SLC35D4: variants seen among roughly 807,000 people sequenced by gnomAD.
The protein encoded by SLC35D4 is solute carrier family 35 member D4.
chr18:23,324,625 T>C, the SLC35D4 span, among the ~76,000 whole-genome samples: 13 of 152,150 alleles, frequency 8.5e-5, no homozygotes, highest in South Asian at 2.1e-4. Flanking sequence ...ATGTCAATAT[T>C]ATCATAGGGT....
the SLC35D4 span, chr18:23,257,144 G>T: frequency 6.7e-7 from 1 of 1,487,370 alleles, no homozygotes; most frequent in Non-Finnish European, 9.2e-7. Context: ...CTCACTGGCT[G>T]GTGGATAGAG....
the SLC35D4 span, among the ~76,000 whole-genome samples, chr18:23,351,655 C>T: frequency 2.0e-5 from 3 of 152,130 alleles, no homozygotes; most frequent in Non-Finnish European, 2.9e-5. Flanking sequence ...CCCTCACAGG[C>T]ACTAAGGAAA....
the SLC35D4 span, among the ~76,000 whole-genome samples, chr18:23,351,864 C>A: frequency 6.6e-6 from 1 of 152,194 alleles, no homozygotes; most frequent in African/African-American, 2.4e-5. Flanking sequence ...CCCAACCTGG[C>A]CATTTGTCTA....
At chr18:23,312,207 A>G in the SLC35D4 span, among the ~76,000 whole-genome samples, 1 of 152,006 alleles carries the variant, frequency 6.6e-6, no homozygotes, top group African/African-American at 2.4e-5. Context: ...CACCATACCC[A>G]CAGCCTGGGA....
chr18:23,322,676 T>C, the SLC35D4 span, among the ~76,000 whole-genome samples: 1 of 152,262 alleles, frequency 6.6e-6, no homozygotes, highest in Non-Finnish European at 1.5e-5. Context: ...AAATACTTGA[T>C]TGTGTTGTTT....
the SLC35D4 span, among the ~76,000 whole-genome samples, chr18:23,363,536 G>T: frequency 6.6e-6 from 1 of 151,056 alleles, no homozygotes; most frequent in South Asian, 2.1e-4. Context: ...CACCACGCCC[G>T]GCTAATTTTT....
the SLC35D4 span, among the ~76,000 whole-genome samples, chr18:23,275,296 A>G: frequency 6.6e-6 from 1 of 152,116 alleles, no homozygotes; most frequent in Non-Finnish European, 1.5e-5. Context: ...CTGGCCCCAG[A>G]GGACTGCTCT....
At chr18:23,425,644 A>T in the SLC35D4 span, among the ~76,000 whole-genome samples, 1 of 152,214 alleles carries the variant, frequency 6.6e-6, no homozygotes, top group Admixed American at 6.5e-5. Context: ...TGTAGGGCAT[A>T]TCTGCCTGGG....
the SLC35D4 span, among the ~76,000 whole-genome samples, chr18:23,392,272 A>G: frequency 6.6e-6 from 1 of 152,156 alleles, no homozygotes; most frequent in Non-Finnish European, 1.5e-5. Context: ...TCTCTTCATA[A>G]GAGTGTTTAT....
the SLC35D4 span, among the ~76,000 whole-genome samples, chr18:23,396,306 G>C: frequency 6.6e-6 from 1 of 152,178 alleles, no homozygotes; most frequent in Non-Finnish European, 1.5e-5. Flanking sequence ...TTTTAATGGA[G>C]CGCTTTTCCC....
At chr18:23,428,318 TA>T in the SLC35D4 span, among the ~76,000 whole-genome samples, 1 of 152,264 alleles carries the variant, frequency 6.6e-6, no homozygotes, top group East Asian at 1.9e-4. Context: ...CCTTGATGAA[TA>T]ATCTAAAAAA....
the SLC35D4 span, among the ~76,000 whole-genome samples, chr18:23,272,659 A>C: frequency 1.3e-5 from 2 of 151,930 alleles, no homozygotes; most frequent in Admixed American, 1.3e-4. Context: ...TTATCCTCGC[A>C]CTCAGCCAGG....
the SLC35D4 span, among the ~76,000 whole-genome samples, chr18:23,344,497 T>G: frequency 6.6e-6 from 1 of 152,234 alleles, no homozygotes; most frequent in Non-Finnish European, 1.5e-5. Flanking sequence ...TAAGAATTCT[T>G]TATATATTCT....
chr18:23,302,636 C>T, the SLC35D4 span, among the ~76,000 whole-genome samples: 2 of 152,198 alleles, frequency 1.3e-5, no homozygotes, highest in African/African-American at 4.8e-5. Flanking sequence ...ATGGTGATCT[C>T]CCTGGAGTCA....
chr18:23,289,854 A>AC, the SLC35D4 span, among the ~76,000 whole-genome samples: 2 of 151,182 alleles, frequency 1.3e-5, no homozygotes, highest in Non-Finnish European at 2.9e-5. Flanking sequence ...GCACCTTGTG[A>AC]CCCCCACTCC....
At chr18:23,241,781 A>AT in the SLC35D4 span, among the ~76,000 whole-genome samples, 1 of 152,324 alleles carries the variant, frequency 6.6e-6, no homozygotes, top group Non-Finnish European at 1.5e-5. Context: ...TAAGTGTAAT[A>AT]TAAAAAGGCC....
the SLC35D4 span, chr18:23,258,531 A>C: frequency 4.6e-5 from 7 of 152,176 alleles, no homozygotes; most frequent in Non-Finnish European, 1.5e-5. Flanking sequence ...GACAGTCTGT[A>C]TGAGGCATGT....
chr18:23,304,617 G>A, the SLC35D4 span, among the ~76,000 whole-genome samples: 1 of 151,930 alleles, frequency 6.6e-6, no homozygotes, highest in Non-Finnish European at 1.5e-5. Flanking sequence ...AGGATATAAA[G>A]GTTTCTTCTC....
the SLC35D4 span, among the ~76,000 whole-genome samples, chr18:23,379,584 T>A: frequency 1.3e-5 from 2 of 152,144 alleles, no homozygotes; most frequent in Admixed American, 1.3e-4. Flanking sequence ...AAAAGGCCCC[T>A]TCCATGGAGG....
Sources: gnomAD v4.1 joint callset for allele counts (sites outside exome capture counted in the v4.1 genomes callset) on GRCh38, gnomAD v4.1.1 for gene constraint, MANE v1.5 for transcripts, NCBI Gene and HGNC (gene_info 2026-07-23, HGNC 2026-07-21) for gene names.